Variants in ATP2B2 observed in about 807,000 individuals in gnomAD.
The protein encoded by ATP2B2 is plasma membrane calcium-transporting ATPase 2.
In ATP2B2, 15 loss-of-function variants were observed where a neutral mutation model predicts 120.0. That is an observed-to-expected ratio of 0.12 (90% CI 0.08 to 0.19). The LOEUF (loss-of-function observed/expected upper bound fraction) is 0.19, where lower values mean the gene tolerates loss of function less well. Ranked by LOEUF, ATP2B2 falls within the 10% of genes least tolerant of loss-of-function variation. The pLI is 1.00. For synonymous variants in ATP2B2, 694 were observed against 700.3 expected, an observed-to-expected ratio of 0.99 and a Z score of 0.14; for missense variants, 1,045 against 1,719.8, an observed-to-expected ratio of 0.61 and a Z score of 6.94.
At chr3:10,468,949 C>G (rs1440225903) in intron 1 of ATP2B2, among the ~76,000 whole-genome samples, 1 of 152,242 alleles carries the variant, frequency 6.6e-6, no homozygotes, top group Non-Finnish European at 1.5e-5. Flanking sequence ...GTTAAGAGAG[C>G]CTGAGGAATA....
intron 1 of ATP2B2, among the ~76,000 whole-genome samples, chr3:10,658,509 A>G (rs1236026536): frequency 6.6e-6 from 1 of 152,272 alleles, no homozygotes; most frequent in Non-Finnish European, 1.5e-5. Flanking sequence ...TGAAGATCAA[A>G]TGAATGAAAT....
chr3:10,436,643 G>C (rs1353867242), intron 2 of ATP2B2, among the ~76,000 whole-genome samples: 1 of 152,212 alleles, frequency 6.6e-6, no homozygotes, highest in Non-Finnish European at 1.5e-5. Context: ...GTTTCCTTCT[G>C]GAAAATTGAG....
At chr3:10,429,018 A>G (rs527454633) in intron 2 of ATP2B2, among the ~76,000 whole-genome samples, 2 of 152,240 alleles carry the variant, frequency 1.3e-5, no homozygotes, top group South Asian at 4.1e-4. Flanking sequence ...AAACCCACAC[A>G]ACCCATGGTG....
chr3:10,614,401 G>A (rs905511163), intron 2 of ATP2B2, among the ~76,000 whole-genome samples: 7 of 152,108 alleles, frequency 4.6e-5, no homozygotes, highest in Non-Finnish European at 8.8e-5. Context: ...GGCAGGAATC[G>A]CTGTAGGGCT....
chr3:10,486,234 G>C (rs183910284), intron 1 of ATP2B2, among the ~76,000 whole-genome samples: 2 of 152,258 alleles, frequency 1.3e-5, no homozygotes, highest in Admixed American at 6.5e-5. Flanking sequence ...CTGTAGAATG[G>C]GGATTTCACC....
At chr3:10,600,668 C>T (rs374964910) in intron 2 of ATP2B2, among the ~76,000 whole-genome samples, 3 of 152,234 alleles carry the variant, frequency 2.0e-5, no homozygotes, top group East Asian at 1.9e-4. Flanking sequence ...CTGCCGCCCC[C>T]TCCCTGCCCC....
intron 1 of ATP2B2, among the ~76,000 whole-genome samples, chr3:10,695,251 G>GGAGGGGGAGAGAGAGAGAGAGA (rs60247955): frequency 9.5e-5 from 12 of 126,966 alleles, no homozygotes; most frequent in African/African-American, 3.7e-4. Context: ...AGGGAGGGAG[G>GGAGGGGGAGAGAGAGAGAGAGA]GAGAGAGAGA....
At chr3:10,535,384 G>GAT (rs1188688194) in intron 2 of ATP2B2, among the ~76,000 whole-genome samples, 1 of 120,842 alleles carries the variant, frequency 8.3e-6, no homozygotes, top group Non-Finnish European at 1.7e-5. Context: ...GCAGCAGTTT[G>GAT]ATGTGTGTGT....
intron 2 of ATP2B2, among the ~76,000 whole-genome samples, chr3:10,587,763 GT>G (rs780358674): frequency 6.6e-6 from 1 of 152,052 alleles, no homozygotes; most frequent in Non-Finnish European, 1.5e-5. Flanking sequence ...TTGTTTGTTT[GT>G]TTGTTTGTTT....
intron 1 of ATP2B2, among the ~76,000 whole-genome samples, chr3:10,650,763 G>C (rs1214771709): frequency 6.6e-6 from 1 of 152,204 alleles, no homozygotes; most frequent in Admixed American, 6.5e-5. Context: ...TACATTGACA[G>C]CTTGCACCGT....
intron 1 of ATP2B2, among the ~76,000 whole-genome samples, chr3:10,503,284 G>A (rs1389606031): frequency 1.3e-5 from 2 of 152,238 alleles, no homozygotes; most frequent in African/African-American, 4.8e-5. Flanking sequence ...CTGATGCCAG[G>A]GAGAGGGCTG....
chr3:10,600,734 C>T (rs1011474764), intron 2 of ATP2B2, among the ~76,000 whole-genome samples: 2 of 152,328 alleles, frequency 1.3e-5, no homozygotes, highest in East Asian at 3.9e-4. Context: ...AGTTGAGAGC[C>T]TGCCTGCAAC....
At chr3:10,383,091 T>C (rs1425513998) in intron 8 of ATP2B2, among the ~76,000 whole-genome samples, 1 of 150,278 alleles carries the variant, frequency 6.7e-6, no homozygotes, top group Non-Finnish European at 1.5e-5. Context: ...TTTATTATTA[T>C]TATACTTTAA....
chr3:10,518,052 T>TG (rs1261821783), intron 3 of ATP2B2, among the ~76,000 whole-genome samples: 2 of 125,472 alleles, frequency 1.6e-5, no homozygotes, highest in South Asian at 2.6e-4. Flanking sequence ...GGGGTTGGGG[T>TG]GGGGAGGGCT....
chr3:10,536,517 T>C (rs2067321781), intron 2 of ATP2B2, among the ~76,000 whole-genome samples: 1 of 151,718 alleles, frequency 6.6e-6, no homozygotes, highest in Non-Finnish European at 1.5e-5. Context: ...CTCCTCCTCC[T>C]CCTTTCTTCT....
At chr3:10,495,775 C>T (rs993303874) in intron 1 of ATP2B2, among the ~76,000 whole-genome samples, 3 of 152,226 alleles carry the variant, frequency 2.0e-5, no homozygotes, top group Non-Finnish European at 2.9e-5. Flanking sequence ...CCACACTGAC[C>T]CCATTTTGTA....
intron 2 of ATP2B2, among the ~76,000 whole-genome samples, chr3:10,448,217 T>A (rs895329032): frequency 6.6e-6 from 1 of 152,214 alleles, no homozygotes; most frequent in African/African-American, 2.4e-5. Context: ...GGGGAAGGAC[T>A]TGACATCCAC....
chr3:10,517,214 T>C (rs2066894011), intron 3 of ATP2B2, among the ~76,000 whole-genome samples: 1 of 152,196 alleles, frequency 6.6e-6, no homozygotes, highest in Non-Finnish European at 1.5e-5. Context: ...CCAGGTCGAC[T>C]GGGTCTACAC....
chr3:10,426,366 A>G (rs556749672), intron 2 of ATP2B2, among the ~76,000 whole-genome samples: 2 of 152,316 alleles, frequency 1.3e-5, no homozygotes, highest in East Asian at 3.9e-4. Context: ...GCACAGGAAG[A>G]AGGAAGGTGA....
Sources: gnomAD v4.1 joint callset for allele counts (sites outside exome capture counted in the v4.1 genomes callset) on GRCh38, gnomAD v4.1.1 for gene constraint, MANE v1.5 for transcripts, NCBI Gene and HGNC (gene_info 2026-07-23, HGNC 2026-07-21) for gene names.